Variants in KHDC4 observed in about 807,000 individuals in gnomAD.
The protein encoded by KHDC4 is KH domain containing 4, pre-mRNA splicing factor, also known as KH homology domain-containing protein 4.
In KHDC4, 19 loss-of-function variants were observed where a neutral mutation model predicts 74.5. The ratio of observed to expected loss-of-function variants is 0.26; its 90% CI spans 0.18 to 0.37. The LOEUF (loss-of-function observed/expected upper bound fraction) is 0.37, where lower values mean the gene tolerates loss of function less well. KHDC4 is among the 10% of genes least tolerant of loss of function. KHDC4 has a pLI of 1.00. For missense variants in KHDC4, 632 were observed against 754.1 expected, an observed-to-expected ratio of 0.84 and a Z score of 1.90; for synonymous variants, 253 against 266.1, an observed-to-expected ratio of 0.95 and a Z score of 0.48.
At chr1:155,918,508 G>A (rs1378077586) in intron 10 of KHDC4, among the ~76,000 whole-genome samples, 1 of 152,092 alleles carries the variant, frequency 6.6e-6, no homozygotes, top group Non-Finnish European at 1.5e-5. Context: ...GCACTGCAAG[G>A]CAATTTTGTC....
intron 2 of KHDC4, among the ~76,000 whole-genome samples, chr1:155,930,312 T>G (rs1446401381): frequency 6.6e-6 from 1 of 152,218 alleles, no homozygotes; most frequent in South Asian, 2.1e-4. Context: ...AGTTGGTCAT[T>G]CTTCATAAAC....
intron 1 of KHDC4, 142 bp downstream of exon 1, chr1:155,934,193 CT>C: frequency 3.2e-6 from 3 of 951,192 alleles, no homozygotes; most frequent in Non-Finnish European, 4.6e-6. Context: ...GGCCCCAGGC[CT>C]GCTCAAGATC....
At chr1:155,926,422 C>T (rs973707217) in intron 6 of KHDC4, 28 of 462,628 alleles carry the variant, frequency 6.1e-5, no homozygotes, top group Non-Finnish European at 9.1e-5. Context: ...CTCCACCTCC[C>T]GGCTTCAAGC....
At chr1:155,933,177 T>C (rs554961807) in intron 2 of KHDC4, among the ~76,000 whole-genome samples, 2 of 152,368 alleles carry the variant, frequency 1.3e-5, no homozygotes, top group South Asian at 4.1e-4. Flanking sequence ...CGTAAATATG[T>C]ATTTGTAACA....
At chr1:155,927,723 A>G (rs1468985532) in intron 4 of KHDC4, among the ~76,000 whole-genome samples, 1 of 150,168 alleles carries the variant, frequency 6.7e-6, no homozygotes, top group Non-Finnish European at 1.5e-5. Context: ...GAATCACTTG[A>G]ACCCAGGAGG....
chr1:155,923,834 AAC>A lies in KHDC4; in HGVS notation c.894-149_894-148del, dbSNP rs770516568. 1.5e-4 allele frequency: 88 copies of A among 605,744 alleles called. No homozygotes were observed. In the Admixed American group the frequency reaches 2.6e-3, roughly 18 times the overall value. 37.5% of individuals were successfully genotyped at this position (605,744 alleles called of 1,614,324 possible). A position where few individuals can be genotyped will look rare whatever the true frequency, so the allele number is the denominator to read the frequency against. ...AGGCCTCTGAAAATCACAAAACAGA[AAC>A]ACAAAACATAAGTCTTTTAAGATAT... is the stretch of plus-strand genomic sequence containing the variant. On this transcript the variant is annotated intron_variant, in intron 7 of 13. Transcript: ENST00000368321.
chr1:155,930,287 T>C (rs1005862423), intron 2 of KHDC4, among the ~76,000 whole-genome samples: 1 of 152,196 alleles, frequency 6.6e-6, no homozygotes, highest in Non-Finnish European at 1.5e-5. Context: ...CTTCCCTTCA[T>C]CTGCCTGTAA....
chr1:155,914,661 G>T lies in KHDC4; in HGVS notation c.1646-341C>A, dbSNP rs867119591. The T allele has an allele frequency of 8.2e-5, 18 of 220,046 alleles. 1 individual carries two copies. Among genetic ancestry groups the T allele is most frequent in the Admixed American group, 3.2e-4 (6 of 18,678 alleles). The allele number at this position is 220,046 out of a possible 1,614,324, so 13.6% of individuals were successfully genotyped here. ...GTTAAAAGAAAAGAAGTTAAGAAAA[G>T]AAAAAAACGTATTTTCTTCTGTTCA... On this transcript the variant is annotated intron_variant, in intron 13 of 13. Coordinates refer to ENST00000368321, the MANE Select transcript of KHDC4 (RefSeq NM_014949.4).
At position 155,933,642 on chromosome 1, in the gene KHDC4, A is replaced by G. The variant is rs1674190971; in HGVS notation, c.246T>C (p.Ala82=). ...CTTCAACTTCAAATACCTTCTCAGA[A>G]GCATTCTGAGTTGGTTTCAGCTTCC... The part of the protein sequence containing the change: ...AKGKLKPTQN[A]SEKLQAPGKG... Residue 82 remains alanine, a synonymous_variant, in exon 2 of 14, where the codon GCT becomes GCC. Transcript: ENST00000368321. The G allele has an allele frequency of 6.2e-7, 1 of 1,604,352 alleles. No individual in the cohort carries two copies. The highest frequency in any genetic ancestry group is 1.3e-5 in the African/African-American group (1 of 74,764).
At chr1:155,918,438 C>A (rs1247789559) in intron 10 of KHDC4, among the ~76,000 whole-genome samples, 1 of 152,140 alleles carries the variant, frequency 6.6e-6, no homozygotes, top group Non-Finnish European at 1.5e-5. Context: ...CTCAGCTTCC[C>A]AAAGTGCTGG....
chr1:155,919,811 A>C (rs1022482451), intron 10 of KHDC4: 1 of 163,544 alleles, frequency 6.1e-6, no homozygotes, highest in Non-Finnish European at 1.3e-5. Context: ...ATTCTGTCTC[A>C]AAAAATAATA....
At chr1:155,929,191 C>T in intron 4 of KHDC4, 105 bp downstream of exon 4, 1 of 801,484 alleles carries the variant, frequency 1.2e-6, no homozygotes, top group South Asian at 1.6e-5. Flanking sequence ...CCCCTCAAAC[C>T]TTGAATCAAA....
chr1:155,925,261 G>A (rs538371712), intron 7 of KHDC4, among the ~76,000 whole-genome samples: 1 of 151,736 alleles, frequency 6.6e-6, no homozygotes, highest in East Asian at 2.0e-4. Flanking sequence ...TCGATCTCCT[G>A]ACCTCGTGAT....
In KHDC4 at chr1:155,915,903, T is replaced by G. The variant is rs1186180475; in HGVS notation, c.1615A>C (p.Asn539His). 2 of 1,603,526 alleles carry G rather than the reference T, an allele frequency of 1.2e-6. No homozygotes were observed. The highest frequency in any genetic ancestry group is 3.5e-5 in the Admixed American group (2 of 57,414). Residue 539 changes from asparagine (N) to histidine (H), a missense_variant, in exon 13 of 14, where the codon AAT becomes CAT. Asn to His is a moderately conservative substitution (Grantham distance 68). Transcript: ENST00000368321. The part of the protein sequence containing the change: ...TGIKTESDER[N>H]GSGTLTGSHD... ...CTCCCTGTTAAGGTCCCAGACCCAT[T>G]CCTTTCATCGGACTCTGTTTTTATT... is the stretch of plus-strand genomic sequence containing the variant.
intron 4 of KHDC4, among the ~76,000 whole-genome samples, chr1:155,928,593 C>CAAAAAAAAAAAA (rs10555758): frequency 4.0e-4 from 36 of 89,292 alleles, no homozygotes; most frequent in African/African-American, 7.3e-4. Flanking sequence ...ATCATAAAGA[C>CAAAAAAAAAAAA]AAAAAAAAAA....
intron 13 of KHDC4, 82 bp from the exon 14 acceptor site, chr1:155,914,402 A>G: frequency 8.5e-7 from 1 of 1,179,794 alleles, no homozygotes; most frequent in East Asian, 2.5e-5. Context: ...ATTAAAAAAA[A>G]GATGTTAATT....
intron 4 of KHDC4, 36 bp from the exon 5 acceptor site, chr1:155,927,192 GGT>G: frequency 6.4e-7 from 1 of 1,568,268 alleles, no homozygotes; most frequent in South Asian, 1.1e-5. Context: ...ATCTCAATGT[GGT>G]CAAAACCAAA....
Position 155,929,456 on chromosome 1 carries a change from A to G in KHDC4, c.385-81T>C, listed in dbSNP as rs1674097068. 3 of 1,235,352 alleles carry G rather than the reference A, an allele frequency of 2.4e-6. No homozygotes were observed. In the East Asian group the frequency reaches 7.0e-5, roughly 29 times the overall value. The allele number at this position is 1,235,352 out of a possible 1,614,324, so 76.5% of individuals were successfully genotyped here. A position where few individuals can be genotyped will look rare whatever the true frequency, so the allele number is the denominator to read the frequency against. The stretch of plus-strand genomic sequence containing the variant: ...AGACAGATTTTCTTCCCATTCATTC[A>G]TTCAACCAAGTAAAGAAGGAAAGAA... On this transcript the variant is annotated intron_variant, in intron 3 of 13. Transcript: ENST00000368321.
At chr1:155,931,398 C>G (rs1347734708) in intron 2 of KHDC4, among the ~76,000 whole-genome samples, 1 of 151,768 alleles carries the variant, frequency 6.6e-6, no homozygotes, top group African/African-American at 2.4e-5. Context: ...GAGGCTGAAG[C>G]AGGGTGGGCA....
Sources: gnomAD v4.1 joint callset for allele counts (sites outside exome capture counted in the v4.1 genomes callset) on GRCh38, gnomAD v4.1.1 for gene constraint, MANE v1.5 for transcripts, NCBI Gene and HGNC (gene_info 2026-07-23, HGNC 2026-07-21) for gene names.